Variants in FHIP2A observed in about 807,000 individuals in gnomAD.
FHIP2A encodes the protein family with sequence similarity 160 member B1.
Under a neutral mutation model 93.5 loss-of-function variants are expected in FHIP2A, and 46 were observed. That is an observed-to-expected ratio of 0.49 (90% CI 0.39 to 0.63). The LOEUF (loss-of-function observed/expected upper bound fraction) is 0.63. Ranked by LOEUF, FHIP2A falls within the 20% of genes least tolerant of loss-of-function variation. The pLI is 0.00. For missense variants in FHIP2A, 769 were observed against 909.7 expected (o/e 0.85, Z 1.99); for synonymous variants, 332 against 326.5 (o/e 1.02, Z -0.18).
chr10:114,870,209 GCTGA>G (rs1202442050), intron 16 of FHIP2A, among the ~76,000 whole-genome samples: 1 of 152,140 alleles, frequency 6.6e-6, no homozygotes, highest in Non-Finnish European at 1.5e-5. Flanking sequence ...TAACAGAGAT[GCTGA>G]CTGTCAACCT....
chr10:114,836,031 A>T, intron 4 of FHIP2A, 93 bp from the exon 5 acceptor site: 1 of 951,102 alleles, frequency 1.1e-6, no homozygotes, highest in Non-Finnish European at 1.5e-6. Context: ...TTATATGAAA[A>T]ATTTAAATAT....
chr10:114,842,579 T>TA (rs1286554814), intron 5 of FHIP2A, among the ~76,000 whole-genome samples: 2 of 152,148 alleles, frequency 1.3e-5, no homozygotes, highest in African/African-American at 2.4e-5. Context: ...ACTATGTAGT[T>TA]ACAGTAGTCC....
intron 16 of FHIP2A, among the ~76,000 whole-genome samples, chr10:114,880,323 T>C (rs1216015388): frequency 6.6e-6 from 1 of 152,202 alleles, no homozygotes; most frequent in African/African-American, 2.4e-5. Context: ...TAAAAGCCAT[T>C]GAACCATACA....
At chr10:114,866,257 G>A (rs924319670), downstream of FHIP2A, among the ~76,000 whole-genome samples, 3 of 152,056 alleles carry the variant, frequency 2.0e-5, no homozygotes, top group African/African-American at 7.2e-5. Flanking sequence ...AAGAATAATG[G>A]CCTCCAGCTC....
At chr10:114,865,679 CTG>C (rs1418984812), downstream of FHIP2A, among the ~76,000 whole-genome samples, 2 of 152,044 alleles carry the variant, frequency 1.3e-5, no homozygotes, top group Non-Finnish European at 2.9e-5. Context: ...CTGCTTCAAA[CTG>C]TTAAGAATTT....
At chr10:114,856,181 T>G (rs969423454) in intron 14 of FHIP2A, among the ~76,000 whole-genome samples, 1 of 152,240 alleles carries the variant, frequency 6.6e-6, no homozygotes, top group Admixed American at 6.5e-5. Flanking sequence ...GTAGGCTGTC[T>G]TCAGTAACTA....
At chr10:114,827,698 G>A (rs1042057656) in intron 1 of FHIP2A, among the ~76,000 whole-genome samples, 2 of 151,148 alleles carry the variant, frequency 1.3e-5, no homozygotes, top group African/African-American at 4.9e-5. Flanking sequence ...TCGGGAGGCT[G>A]AGGCAGGAGA....
At chr10:114,832,680 A>G (rs1016695251) in intron 2 of FHIP2A, among the ~76,000 whole-genome samples, 2 of 151,436 alleles carry the variant, frequency 1.3e-5, no homozygotes, top group African/African-American at 4.9e-5. Flanking sequence ...CTGTGGATAG[A>G]TGAATGTTAG....
chr10:114,848,911 A>G (rs541187550), intron 13 of FHIP2A, among the ~76,000 whole-genome samples, 174 bp downstream of exon 13: 8 of 151,996 alleles, frequency 5.3e-5, no homozygotes, highest in Middle Eastern at 3.4e-3. Context: ...GGGAGGCCGA[A>G]GCGGATGGAT....
chr10:114,863,212 A>C lies in FHIP2A; in HGVS notation c.*1672A>C. Reference sequence around the variant, plus strand: ...AGTTATTTTGTGCGTAATTTTCTTTAAATCATTTTGAATGATGTGAAGGCA... The same window carrying C: ...AGTTATTTTGTGCGTAATTTTCTTTCAATCATTTTGAATGATGTGAAGGCA... On this transcript the variant is annotated 3_prime_UTR_variant, in exon 17 of 17. Transcript: ENST00000369248. The C allele has an allele frequency of 1.0e-6, 1 of 983,112 alleles. No individual in the cohort carries two copies. 60.9% of individuals were successfully genotyped at this position (983,112 alleles called of 1,614,324 possible). A position where few individuals can be genotyped will look rare whatever the true frequency, so the allele number is the denominator to read the frequency against.
At chr10:114,886,942 C>T (rs1410645306) in intron 16 of FHIP2A, among the ~76,000 whole-genome samples, 1 of 152,070 alleles carries the variant, frequency 6.6e-6, no homozygotes, top group African/African-American at 2.4e-5. Flanking sequence ...TCTGTTTTTA[C>T]AGAAGAAGGC....
chr10:114,842,715 C>T (rs1300642101), intron 5 of FHIP2A, among the ~76,000 whole-genome samples: 1 of 152,048 alleles, frequency 6.6e-6, no homozygotes, highest in Non-Finnish European at 1.5e-5. Flanking sequence ...CAGTGTAAAA[C>T]ATTTTGTAGT....
Position 114,860,993 on chromosome 10 carries a change from T to C in FHIP2A, c.2088+104T>C, listed in dbSNP as rs1457631732. On this transcript the variant is annotated intron_variant, in intron 15 of 16. Transcript: ENST00000369248. Reference sequence around the variant, plus strand: ...AGTGTCACATAATGAAAAATATATCTACTGCTTAAAAGTAATTATTATACA... The same window carrying C: ...AGTGTCACATAATGAAAAATATATCCACTGCTTAAAAGTAATTATTATACA... The C allele has an allele frequency of 4.3e-6, 5 of 1,169,242 alleles. No homozygotes were observed. In the African/African-American group the frequency reaches 7.6e-5, roughly 18 times the overall value. 72.4% of individuals were successfully genotyped at this position (1,169,242 alleles called of 1,614,324 possible).
chr10:114,866,565 AAAC>A (rs1341294057), downstream of FHIP2A, among the ~76,000 whole-genome samples: 1 of 152,238 alleles, frequency 6.6e-6, no homozygotes. Context: ...TCCACAAACC[AAAC>A]AAGAATTTTG....
chr10:114,863,407 A>G lies in FHIP2A; in HGVS notation c.*1867A>G, dbSNP rs2083812000. The G allele has an allele frequency of 9.5e-7, 1 of 1,053,404 alleles. No homozygotes were observed. The allele number at this position is 1,053,404 out of a possible 1,614,324, so 65.3% of individuals were successfully genotyped here. On this transcript the variant is annotated 3_prime_UTR_variant, in exon 17 of 17. Coordinates refer to ENST00000369248, the MANE Select transcript of FHIP2A (RefSeq NM_020940.4). The stretch of plus-strand genomic sequence containing the variant: ...GTGCTCAATAGGTGTAGTAGCAATG[A>G]TATTACCTCTGAAACCAAATACTCT...
In FHIP2A at chr10:114,862,229, A is replaced by G. The variant is rs1278425350; in HGVS notation, c.*689A>G. The G allele has an allele frequency of 3.0e-6, 3 of 983,692 alleles. No homozygotes were observed. The highest frequency in any genetic ancestry group is 4.8e-4 in the Middle Eastern group (1 of 2,068). 60.9% of individuals were successfully genotyped at this position (983,692 alleles called of 1,614,324 possible). A position where few individuals can be genotyped will look rare whatever the true frequency, so the allele number is the denominator to read the frequency against. ...CATAGCCATGTTAGTGATTTTCTTC[A>G]TGTGTGGGTCCCAGTTTATTTAAAC... is the stretch of plus-strand genomic sequence containing the variant. On this transcript the variant is annotated 3_prime_UTR_variant, in exon 17 of 17. Transcript: ENST00000369248.
rs201100438 is a variant in FHIP2A, at chr10:114,875,910, G to A, written c.2192+14576G>A. 8.0e-3 allele frequency among the ~76,000 whole-genome samples: 595 copies of A among 74,808 alleles called. 18 individuals are homozygous for A. Among genetic ancestry groups the A allele is most frequent in the African/African-American group, 0.026 (535 of 20,678 alleles). The allele number at this position is 74,808 out of a possible 152,430, so 49.1% of individuals were successfully genotyped here. On this transcript the variant is annotated intron_variant, in intron 16 of 16. Coordinates refer to the FHIP2A transcript ENST00000369250. ...AAAGAGAGAGAAAGAAATAAAGAAA[G>A]AGAAAGAAAGAAAGAAAGAAAGAGA...
At chr10:114,873,500 C>T (rs1282596531) in intron 16 of FHIP2A, among the ~76,000 whole-genome samples, 2 of 152,194 alleles carry the variant, frequency 1.3e-5, no homozygotes, top group East Asian at 3.8e-4. Flanking sequence ...CCGTAGATAG[C>T]TCACACTTCA....
Position 114,861,882 on chromosome 10 carries a change from G to A in FHIP2A, c.*342G>A. 1 of 994,088 alleles carries A rather than the reference G, an allele frequency of 1.0e-6. No homozygotes were observed. The highest frequency in any genetic ancestry group is 1.2e-6 in the Non-Finnish European group (1 of 835,536). 61.6% of individuals were successfully genotyped at this position (994,088 alleles called of 1,614,324 possible). A position where few individuals can be genotyped will look rare whatever the true frequency, so the allele number is the denominator to read the frequency against. On this transcript the variant is annotated 3_prime_UTR_variant, in exon 17 of 17. Coordinates refer to ENST00000369248, the MANE Select transcript of FHIP2A (RefSeq NM_020940.4). The stretch of plus-strand genomic sequence containing the variant: ...TTGATGATATTTCTGTTATATTAAT[G>A]TCCTTTTAGGTAGCAAGGCATTTTG...
Sources: gnomAD v4.1 joint callset for allele counts (sites outside exome capture counted in the v4.1 genomes callset) on GRCh38, gnomAD v4.1.1 for gene constraint, MANE v1.5 for transcripts, NCBI Gene and HGNC (gene_info 2026-07-23, HGNC 2026-07-21) for gene names.